The following ABHD12 variants were observed in gnomAD, a reference collection of about 807,000 sequenced individuals.
The protein encoded by ABHD12 is lysophosphatidylserine lipase ABHD12.
In ABHD12, 43 loss-of-function variants were observed where a neutral mutation model predicts 58.3. The ratio of observed to expected loss-of-function variants is 0.74; its 90% CI spans 0.58 to 0.95. The LOEUF (loss-of-function observed/expected upper bound fraction) is 0.95. ABHD12 is among the 40% of genes least tolerant of loss of function. The pLI, the probability that ABHD12 is intolerant of heterozygous loss-of-function variation, is 0.00. For synonymous variants in ABHD12, 219 were observed against 211.2 expected, an observed-to-expected ratio of 1.04 and a Z score of -0.32; for missense variants, 539 against 537.2, an observed-to-expected ratio of 1.00 and a Z score of -0.03.
chr20:25,389,419 C>A (rs2090139151), intron 1 of ABHD12, among the ~76,000 whole-genome samples: 1 of 152,120 alleles, frequency 6.6e-6, no homozygotes, highest in Admixed American at 6.5e-5. Context: ...ATATTTTACA[C>A]TCAAGTGGCC....
intron 1 of ABHD12, among the ~76,000 whole-genome samples, chr20:25,384,641 A>G (rs1189498358): frequency 6.6e-6 from 1 of 152,152 alleles, no homozygotes; most frequent in East Asian, 1.9e-4. Flanking sequence ...GCTACTTGTA[A>G]GGCTGAGGTG....
At chr20:25,299,198 A>T (rs936879677), downstream of ABHD12, among the ~76,000 whole-genome samples, 26 of 152,336 alleles carry the variant, frequency 1.7e-4, no homozygotes, top group African/African-American at 5.8e-4. Context: ...GGAGTTCGAG[A>T]CCAGCCTGGG....
At chr20:25,295,451 A>G (rs1354304836), downstream of ABHD12, among the ~76,000 whole-genome samples, 1 of 152,276 alleles carries the variant, frequency 6.6e-6, no homozygotes, top group Non-Finnish European at 1.5e-5. Context: ...GGCCTGGTGC[A>G]GCCTGGCTCT....
At chr20:25,326,124 G>A (rs1223997497) in intron 2 of ABHD12, among the ~76,000 whole-genome samples, 4 of 148,926 alleles carry the variant, frequency 2.7e-5, no homozygotes, top group Admixed American at 6.7e-5. Flanking sequence ...GGAGGGGAGG[G>A]GAGGGAAGGG....
At chr20:25,310,977 T>C (rs1272710648) in intron 6 of ABHD12, among the ~76,000 whole-genome samples, 1 of 152,188 alleles carries the variant, frequency 6.6e-6, no homozygotes, top group Admixed American at 6.5e-5. Flanking sequence ...CTAAGGTCTC[T>C]AGCATGCAGC....
chr20:25,319,120 T>C (rs2482919), intron 4 of ABHD12, among the ~76,000 whole-genome samples: 93,992 of 152,252 alleles, frequency 0.62, 30,606 homozygotes, highest in African/African-American at 0.79. Flanking sequence ...TCTGCCTCTG[T>C]GCTGGCTCCT....
At chr20:25,320,582 G>C (rs1426711502) in intron 3 of ABHD12, among the ~76,000 whole-genome samples, 1 of 152,172 alleles carries the variant, frequency 6.6e-6, no homozygotes, top group Non-Finnish European at 1.5e-5. Context: ...GCCTCCTCTG[G>C]GCCACAAAGG....
intron 1 of ABHD12, 116 bp from the exon 2 acceptor site, chr20:25,339,467 A>G: frequency 6.6e-7 from 1 of 1,507,382 alleles, no homozygotes; most frequent in Non-Finnish European, 9.1e-7. Flanking sequence ...TTTTTCCACA[A>G]GGATACTGCC....
At chr20:25,321,901 T>C (rs1395101559) in intron 3 of ABHD12, among the ~76,000 whole-genome samples, 1 of 152,232 alleles carries the variant, frequency 6.6e-6, no homozygotes, top group Non-Finnish European at 1.5e-5. Context: ...ATCTCCCTTC[T>C]TGTTTTATGT....
intron 6 of ABHD12, among the ~76,000 whole-genome samples, chr20:25,313,238 A>G (rs1375771913): frequency 1.3e-5 from 2 of 152,226 alleles, no homozygotes; most frequent in Non-Finnish European, 2.9e-5. Context: ...TTCTGTACTA[A>G]GAAAAATTCT....
intron 5 of ABHD12, among the ~76,000 whole-genome samples, chr20:25,315,241 G>C (rs931352508): frequency 2.6e-5 from 4 of 152,048 alleles, no homozygotes; most frequent in African/African-American, 9.7e-5. Flanking sequence ...CAGGAGCAGT[G>C]TCCGGCCGCA....
intron 1 of ABHD12, among the ~76,000 whole-genome samples, chr20:25,360,762 C>A (rs1053404272): frequency 6.6e-6 from 1 of 152,154 alleles, no homozygotes; most frequent in Admixed American, 6.5e-5. Flanking sequence ...GAAGACAAGG[C>A]ACATGAACCA....
At chr20:25,317,905 C>T (rs1277827688) in intron 4 of ABHD12, among the ~76,000 whole-genome samples, 1 of 152,222 alleles carries the variant, frequency 6.6e-6, no homozygotes, top group Non-Finnish European at 1.5e-5. Context: ...TCTCCACACT[C>T]CCTAGCCGTG....
chr20:25,308,119 G>T (rs1414197812), intron 8 of ABHD12, 74 bp from the exon 9 acceptor site: 2 of 1,094,198 alleles, frequency 1.8e-6, no homozygotes, highest in Non-Finnish European at 2.8e-6. Flanking sequence ...GGGCTCTGAG[G>T]GGCCCCCAGA....
rs753272234 is a variant in ABHD12, at chr20:25,390,491, C to A, written c.191+22G>T. On this transcript the variant is annotated intron_variant, in intron 1 of 12. Transcript: ENST00000339157. ...GTGAGGGACCGGCCCCCCCCCCCCC[C>A]CCGCTCCGCGCGAAGCCTCACCTGC... 15 of 1,349,118 alleles carry A rather than the reference C, an allele frequency of 1.1e-5. 1 individual carries two copies. Among genetic ancestry groups the A allele is most frequent in the Admixed American group, 5.2e-5 (2 of 38,276 alleles). The allele number at this position is 1,349,118 out of a possible 1,614,324, so 83.6% of individuals were successfully genotyped here.
At chr20:25,378,083 T>TA (rs1463505543) in intron 1 of ABHD12, among the ~76,000 whole-genome samples, 1 of 152,208 alleles carries the variant, frequency 6.6e-6, no homozygotes, top group Non-Finnish European at 1.5e-5. Flanking sequence ...GGGACACATT[T>TA]AAACCATTAA....
intron 1 of ABHD12, among the ~76,000 whole-genome samples, chr20:25,343,682 T>C (rs1186263620): frequency 1.3e-5 from 2 of 152,166 alleles, no homozygotes; most frequent in Admixed American, 6.5e-5. Flanking sequence ...CAGGCATCTG[T>C]AATCCCAGCT....
chr20:25,383,254 G>C (rs1453975060), intron 1 of ABHD12, among the ~76,000 whole-genome samples: 1 of 152,184 alleles, frequency 6.6e-6, no homozygotes, highest in Non-Finnish European at 1.5e-5. Flanking sequence ...CTTGGATAAA[G>C]TATCTTCTTT....
chr20:25,314,192 C>T (rs866242149), intron 6 of ABHD12, among the ~76,000 whole-genome samples: 3 of 152,032 alleles, frequency 2.0e-5, no homozygotes, highest in African/African-American at 7.2e-5. Flanking sequence ...AGGCTGGTCA[C>T]GAACTCCTGA....
Sources: gnomAD v4.1 joint callset for allele counts (sites outside exome capture counted in the v4.1 genomes callset) on GRCh38, gnomAD v4.1.1 for gene constraint, MANE v1.5 for transcripts, NCBI Gene and HGNC (gene_info 2026-07-23, HGNC 2026-07-21) for gene names.